Variants in ATP2C1 observed in about 807,000 individuals in gnomAD.
ATP2C1 encodes ATPase secretory pathway Ca2+ transporting 1, also known as calcium-transporting ATPase type 2C member 1.
ATP2C1 carries 31 observed loss-of-function variants against 120.5 expected under a neutral mutation model. The observed-to-expected ratio is 0.26, with a 90% CI of 0.19 to 0.35. The LOEUF (loss-of-function observed/expected upper bound fraction) is 0.35, where lower values mean the gene tolerates loss of function less well. Ranked by LOEUF, ATP2C1 falls within the 10% of genes least tolerant of loss-of-function variation. The pLI is 1.00. For missense variants in ATP2C1, 731 were observed against 1,107.5 expected (o/e 0.66, Z 4.83); for synonymous variants, 351 against 358.7 (o/e 0.98, Z 0.24).
At chr3:130,946,174 T>G (rs1247136066) in intron 8 of ATP2C1, among the ~76,000 whole-genome samples, 4 of 152,214 alleles carry the variant, frequency 2.6e-5, no homozygotes, top group Admixed American at 6.5e-5. Flanking sequence ...GCTGTTTTTA[T>G]GATACTGGAT....
intron 14 of ATP2C1, among the ~76,000 whole-genome samples, chr3:130,965,634 C>G (rs952670793): frequency 6.6e-6 from 1 of 152,070 alleles, no homozygotes; most frequent in African/African-American, 2.4e-5. Flanking sequence ...CTTTATAGTT[C>G]TTTCGATGTG....
chr3:130,978,060 A>G (rs1165752922), intron 18 of ATP2C1, among the ~76,000 whole-genome samples: 3 of 152,146 alleles, frequency 2.0e-5, no homozygotes, highest in East Asian at 1.9e-4. Flanking sequence ...CCACCCCTCC[A>G]TTAGGAGTGC....
intron 7 of ATP2C1, among the ~76,000 whole-genome samples, chr3:130,940,905 A>AATTT (rs1553764018): frequency 4.6e-5 from 4 of 86,072 alleles, no homozygotes; most frequent in African/African-American, 1.4e-4. Context: ...TATTTAACAG[A>AATTT]TTTTTTTTTT....
At position 131,008,533 on chromosome 3, in the gene ATP2C1, C is replaced by G. The variant is rs946575817; in HGVS notation, c.2630-7619C>G. 1.3e-4 allele frequency among the ~76,000 whole-genome samples: 19 copies of G among 151,988 alleles called. No individual in the cohort carries two copies. In the South Asian group the frequency reaches 1.5e-3, roughly 12 times the overall value. Reference sequence around the variant, plus strand: ...TTATTAGAACACAACTATCCACATTCATTTACAATATTGTTTATTGGCACT... The same window carrying G: ...TTATTAGAACACAACTATCCACATTGATTTACAATATTGTTTATTGGCACT... On this transcript the variant is annotated intron_variant, in intron 26 of 26. Coordinates refer to the ATP2C1 transcript ENST00000328560.
chr3:130,877,645 C>T (rs2068647239), intron 1 of ATP2C1, among the ~76,000 whole-genome samples: 1 of 151,876 alleles, frequency 6.6e-6, no homozygotes, highest in Non-Finnish European at 1.5e-5. Flanking sequence ...ACAACAGGTG[C>T]TGGAGAGGAT....
At chr3:130,870,526 A>G (rs2068396776) in intron 1 of ATP2C1, among the ~76,000 whole-genome samples, 1 of 152,196 alleles carries the variant, frequency 6.6e-6, no homozygotes, top group African/African-American at 2.4e-5. Context: ...TCCAACCCTC[A>G]TGGATGACTT....
intron 8 of ATP2C1, among the ~76,000 whole-genome samples, chr3:130,945,132 G>A (rs1351649588): frequency 1.3e-5 from 2 of 152,074 alleles, no homozygotes; most frequent in Admixed American, 6.6e-5. Flanking sequence ...AGCCTGAGAG[G>A]CACTGATGGA....
chr3:130,982,041 T>C (rs1035607489), intron 20 of ATP2C1, among the ~76,000 whole-genome samples: 1 of 152,188 alleles, frequency 6.6e-6, no homozygotes, highest in Non-Finnish European at 1.5e-5. Context: ...GTCTAGTTTT[T>C]CAATTTCTTC....
At chr3:130,859,475 C>A (rs528751697) in intron 1 of ATP2C1, among the ~76,000 whole-genome samples, 1 of 152,304 alleles carries the variant, frequency 6.6e-6, no homozygotes, top group African/African-American at 2.4e-5. Context: ...ATATACATAG[C>A]AGTCATTGAT....
At position 130,894,167 on chromosome 3, in the gene ATP2C1, T is replaced by A; in HGVS notation, c.-351T>A. On this transcript the variant is annotated 5_prime_UTR_variant, in exon 1 of 28. Coordinates refer to ENST00000510168, the MANE Select transcript of ATP2C1 (RefSeq NM_001378687.1). This position sits in a 1 kb window ranked among gnomAD's most constrained non-coding sequence, Gnocchi z 4.5. ...TCTTCTCTCCCCTCCCCGCCCGCCCTCTCTCCCTCCCTTCCTCCCTCCCGC... is the reference window on the plus strand; with the variant it reads ...TCTTCTCTCCCCTCCCCGCCCGCCCACTCTCCCTCCCTTCCTCCCTCCCGC... 9 of 252,706 alleles carry A rather than the reference T, an allele frequency of 3.6e-5. No individual in the cohort carries two copies. The highest frequency in any genetic ancestry group is 4.0e-5 in the Non-Finnish European group (8 of 198,516). 15.7% of individuals were successfully genotyped at this position (252,706 alleles called of 1,614,324 possible). A position where few individuals can be genotyped will look rare whatever the true frequency, so the allele number is the denominator to read the frequency against.
chr3:130,904,894 A>T (rs1001329058), intron 2 of ATP2C1, among the ~76,000 whole-genome samples: 7 of 152,030 alleles, frequency 4.6e-5, no homozygotes, highest in African/African-American at 1.7e-4. Flanking sequence ...GGCTTTGTGG[A>T]TATTTTGCCT....
At chr3:130,874,847 G>C (rs1434087207) in intron 1 of ATP2C1, among the ~76,000 whole-genome samples, 1 of 152,160 alleles carries the variant, frequency 6.6e-6, no homozygotes, top group Non-Finnish European at 1.5e-5. Context: ...CCCAGAATTT[G>C]ATTCAGTAGG....
intron 1 of ATP2C1, among the ~76,000 whole-genome samples, chr3:130,853,221 T>C (rs891559137): frequency 1.9e-4 from 29 of 152,354 alleles, no homozygotes; most frequent in African/African-American, 6.0e-4. Context: ...AGGTAGATAC[T>C]ATTGCCTGTA....
At chr3:130,966,138 T>C (rs2061038998) in intron 14 of ATP2C1, among the ~76,000 whole-genome samples, 1 of 152,110 alleles carries the variant, frequency 6.6e-6, no homozygotes, top group Admixed American at 6.5e-5. Context: ...AGTAGGCAAA[T>C]TGACAGAAGT....
intron 8 of ATP2C1, among the ~76,000 whole-genome samples, chr3:130,944,301 T>C (rs2060042236): frequency 6.6e-6 from 1 of 152,154 alleles, no homozygotes; most frequent in Non-Finnish European, 1.5e-5. Flanking sequence ...GTACAACTTT[T>C]ATCTGGTACA....
chr3:130,916,951 G>A (rs965050140), intron 2 of ATP2C1, among the ~76,000 whole-genome samples: 1 of 152,084 alleles, frequency 6.6e-6, no homozygotes, highest in Non-Finnish European at 1.5e-5. Flanking sequence ...AAGCAGCTAA[G>A]GTCATTGGTT....
At chr3:130,916,892 T>A (rs1204132516) in intron 2 of ATP2C1, among the ~76,000 whole-genome samples, 1 of 152,226 alleles carries the variant, frequency 6.6e-6, no homozygotes, top group Non-Finnish European at 1.5e-5. Flanking sequence ...ACATAGCTTT[T>A]GTAAATCAAT....
intron 20 of ATP2C1, among the ~76,000 whole-genome samples, chr3:130,985,166 T>G (rs2061943163): frequency 6.6e-6 from 1 of 152,356 alleles, no homozygotes; most frequent in African/African-American, 2.4e-5. Context: ...ATTGTGATCA[T>G]GCACTTTCGT....
chr3:131,014,201 C>G, intron 26 of ATP2C1: 1 of 1,612,990 alleles, frequency 6.2e-7, no homozygotes, highest in East Asian at 2.2e-5. Context: ...GTTTCTTCTG[C>G]CTTTTTTTTT....
Sources: allele counts gnomAD v4.1 joint callset (sites outside exome capture counted in the v4.1 genomes callset), GRCh38; gene constraint gnomAD v4.1.1; non-coding constraint Gnocchi (gnomAD v3.1); transcripts MANE v1.5; gene names NCBI Gene and HGNC (gene_info 2026-07-23, HGNC 2026-07-21).